The following PRKD1 variants were observed in gnomAD, a reference collection of about 807,000 sequenced individuals.
The protein encoded by PRKD1 is serine/threonine-protein kinase D1.
In PRKD1, 63 loss-of-function variants were observed where a neutral mutation model predicts 95.9. The observed-to-expected ratio is 0.66, with a 90% CI of 0.54 to 0.81. The LOEUF (loss-of-function observed/expected upper bound fraction) is 0.81. Among genes scored for constraint, PRKD1 ranks in the 30% least tolerant of loss-of-function variants. The pLI, the probability that PRKD1 is intolerant of heterozygous loss-of-function variation, is 0.00. For missense variants in PRKD1, 1,048 were observed against 1,165.3 expected (o/e 0.90, Z 1.47); for synonymous variants, 425 against 423.1 (o/e 1.00, Z -0.05).
At chr14:29,872,357 C>T (rs1893137030) in intron 1 of PRKD1, among the ~76,000 whole-genome samples, 1 of 152,180 alleles carries the variant, frequency 6.6e-6, no homozygotes, top group Non-Finnish European at 1.5e-5. Flanking sequence ...ACTGCTCTGA[C>T]TCAAAAGTCA....
chr14:29,727,804 T>G (rs887835606), intron 1 of PRKD1, among the ~76,000 whole-genome samples: 5 of 151,736 alleles, frequency 3.3e-5, no homozygotes, highest in African/African-American at 1.2e-4. Flanking sequence ...ATGTGGCACA[T>G]ATACACCATG....
chr14:29,621,882 G>A (rs530877645), intron 13 of PRKD1, among the ~76,000 whole-genome samples: 7 of 152,322 alleles, frequency 4.6e-5, no homozygotes, highest in African/African-American at 1.7e-4. Flanking sequence ...AGAGATGTCT[G>A]ACCTTTTCAT....
chr14:29,751,863 G>A (rs1306958347), intron 1 of PRKD1, among the ~76,000 whole-genome samples: 1 of 152,282 alleles, frequency 6.6e-6, no homozygotes, highest in East Asian at 1.9e-4. Context: ...TTCTCTTGCT[G>A]CTCTTAAAAC....
chr14:29,639,092 C>G (rs1880582171), intron 4 of PRKD1, among the ~76,000 whole-genome samples, 188 bp from the exon 5 acceptor site: 1 of 150,682 alleles, frequency 6.6e-6, no homozygotes, highest in Non-Finnish European at 1.5e-5. Context: ...AGTTACCTTG[C>G]TTGTATAATC....
At chr14:29,607,364 G>A (rs1878056785) in intron 13 of PRKD1, among the ~76,000 whole-genome samples, 1 of 152,098 alleles carries the variant, frequency 6.6e-6, no homozygotes. Context: ...AGTTCTGTAG[G>A]TCAGAAGTCT....
chr14:29,592,033 C>T (rs150415115), intron 16 of PRKD1, among the ~76,000 whole-genome samples: 11 of 151,956 alleles, frequency 7.2e-5, no homozygotes, highest in East Asian at 3.9e-4. Context: ...AAATTTAAAG[C>T]GAATATTTAA....
intron 16 of PRKD1, among the ~76,000 whole-genome samples, chr14:29,596,548 G>T (rs550344255): frequency 6.6e-6 from 1 of 152,084 alleles, no homozygotes; most frequent in Admixed American, 6.6e-5. Flanking sequence ...GCACCTCCCT[G>T]GTTCAAGCGC....
chr14:29,891,832 T>C (rs911463393), intron 1 of PRKD1, among the ~76,000 whole-genome samples: 3 of 152,212 alleles, frequency 2.0e-5, no homozygotes, highest in African/African-American at 7.2e-5. Context: ...ATAGAATTTA[T>C]ATGTAGCTAA....
chr14:29,922,142 A>G (rs1895137151), intron 1 of PRKD1, among the ~76,000 whole-genome samples: 1 of 152,088 alleles, frequency 6.6e-6, no homozygotes, highest in African/African-American at 2.4e-5. Flanking sequence ...TCTACTAAAA[A>G]TACAAAAAAA....
At chr14:29,716,363 C>A (rs1270084188) in intron 2 of PRKD1, among the ~76,000 whole-genome samples, 2 of 152,120 alleles carry the variant, frequency 1.3e-5, no homozygotes, top group Admixed American at 6.6e-5. Context: ...GATTTAGAAT[C>A]CAGTTCTGGA....
Position 29,826,828 on chromosome 14 carries a change from T to TATAC in PRKD1, c.264+100420_264+100421insGTAT, listed in dbSNP as rs1891198197. On this transcript the variant is annotated intron_variant, in intron 1 of 17. Coordinates refer to ENST00000331968, the MANE Select transcript of PRKD1 (RefSeq NM_002742.3). ...ACATATATATACACATATATATATA[T>TATAC]ATATATATATACACACATATATATA... 6.2e-4 allele frequency among the ~76,000 whole-genome samples: 22 copies of TATAC among 35,290 alleles called. 5 individuals carry two copies. Among genetic ancestry groups the TATAC allele is most frequent in the South Asian group, 2.1e-3 (2 of 938 alleles). 23.2% of individuals were successfully genotyped at this position (35,290 alleles called of 152,430 possible). A position where few individuals can be genotyped will look rare whatever the true frequency, so the allele number is the denominator to read the frequency against.
At chr14:29,895,051 G>C in intron 1 of PRKD1, among the ~76,000 whole-genome samples, 1 of 152,184 alleles carries the variant, frequency 6.6e-6, no homozygotes, top group East Asian at 1.9e-4. Context: ...AGAACAAATA[G>C]CCGGGCGCTG....
At chr14:29,635,796 A>C (rs1594382576) in intron 7 of PRKD1, among the ~76,000 whole-genome samples, 2 of 152,190 alleles carry the variant, frequency 1.3e-5, no homozygotes, top group African/African-American at 4.8e-5. Context: ...TGATATAAAA[A>C]GTGGGGATCA....
intron 1 of PRKD1, among the ~76,000 whole-genome samples, chr14:29,762,806 C>A (rs1207312949): frequency 6.6e-6 from 1 of 152,102 alleles, no homozygotes; most frequent in Non-Finnish European, 1.5e-5. Context: ...TGCAGAGGCA[C>A]AATTTCAGCT....
chr14:29,653,888 C>T (rs1881670314), intron 4 of PRKD1, among the ~76,000 whole-genome samples: 1 of 151,992 alleles, frequency 6.6e-6, no homozygotes, highest in Admixed American at 6.6e-5. Flanking sequence ...ATATGAAAAG[C>T]CTTTATTCTC....
chr14:29,843,714 C>T (rs1891962884), intron 1 of PRKD1, among the ~76,000 whole-genome samples: 2 of 152,164 alleles, frequency 1.3e-5, no homozygotes, highest in Non-Finnish European at 2.9e-5. Context: ...TTCCTACCTA[C>T]AATGGAGTTT....
intron 1 of PRKD1, among the ~76,000 whole-genome samples, chr14:29,826,859 A>ATATATGTG (rs1555348625): frequency 2.0e-5 from 2 of 99,416 alleles, no homozygotes; most frequent in Non-Finnish European, 4.0e-5. Flanking sequence ...ATATATATAT[A>ATATATGTG]TATATATATA....
At chr14:29,709,144 A>C (rs1885222603) in intron 2 of PRKD1, among the ~76,000 whole-genome samples, 1 of 152,156 alleles carries the variant, frequency 6.6e-6, no homozygotes, top group Non-Finnish European at 1.5e-5. Context: ...TATGGAATAA[A>C]GTTGTCCCAT....
chr14:29,785,235 A>C (rs1594516735), intron 1 of PRKD1, among the ~76,000 whole-genome samples: 2 of 151,852 alleles, frequency 1.3e-5, no homozygotes, highest in African/African-American at 4.8e-5. Context: ...GCCAATAAAG[A>C]CCTCTTTTCT....
Sources: allele counts gnomAD v4.1 joint callset (sites outside exome capture counted in the v4.1 genomes callset), GRCh38; gene constraint gnomAD v4.1.1; transcripts MANE v1.5; gene names NCBI Gene and HGNC (gene_info 2026-07-23, HGNC 2026-07-21).